The following LIN28B variants were observed in gnomAD, a reference collection of about 807,000 sequenced individuals.
The protein encoded by LIN28B is lin-28 RNA binding posttranscriptional regulator B.
In LIN28B, 5 loss-of-function variants were observed where a neutral mutation model predicts 21.9. That is an observed-to-expected ratio of 0.23 (90% CI 0.12 to 0.48). The LOEUF (loss-of-function observed/expected upper bound fraction) is 0.48, where lower values mean the gene tolerates loss of function less well. Among genes scored for constraint, LIN28B ranks in the 20% least tolerant of loss-of-function variants. The probability of loss-of-function intolerance (pLI) is 0.98; values close to 1 mark genes in which losing one functional copy is unlikely to be tolerated. For missense variants in LIN28B, 245 were observed against 310.5 expected (o/e 0.79, Z 1.58); for synonymous variants, 109 against 111.3 (o/e 0.98, Z 0.13).
intron 2 of LIN28B, among the ~76,000 whole-genome samples, chr6:105,018,101 C>T (rs574178365): frequency 6.6e-6 from 1 of 151,702 alleles, no homozygotes; most frequent in African/African-American, 2.4e-5. Flanking sequence ...GTCTTGGCAA[C>T]ATAGTGAGAC....
At chr6:104,987,994 T>C (rs1017471760) in intron 2 of LIN28B, among the ~76,000 whole-genome samples, 1 of 152,210 alleles carries the variant, frequency 6.6e-6, no homozygotes, top group Admixed American at 6.5e-5. Context: ...TCTGCCTACC[T>C]CGGCTTCCCA....
At chr6:105,061,737 G>A (rs1772124645) in intron 3 of LIN28B, among the ~76,000 whole-genome samples, 1 of 152,116 alleles carries the variant, frequency 6.6e-6, no homozygotes, top group East Asian at 1.9e-4. Flanking sequence ...ACTTATAGAT[G>A]AGGAAACCCA....
chr6:104,972,120 G>A (rs770889208), intron 2 of LIN28B, among the ~76,000 whole-genome samples: 43 of 152,122 alleles, frequency 2.8e-4, no homozygotes, highest in Non-Finnish European at 4.9e-4. Context: ...ACAGGTGCAC[G>A]CCACCACACC....
At position 104,961,921 on chromosome 6, in the gene LIN28B, T is replaced by C. The variant is rs963671704; in HGVS notation, c.198+3635T>C. On this transcript the variant is annotated intron_variant, in intron 2 of 3. Coordinates refer to ENST00000345080, the MANE Select transcript of LIN28B (RefSeq NM_001004317.4). ...TTGATGGTACTTTAGAGGAATAGAA[T>C]GGTAATTAAATATTAGATCTCTTTT... is the stretch of plus-strand genomic sequence containing the variant. Among the ~76,000 whole-genome samples, 5 of 152,336 alleles carry C rather than the reference T, an allele frequency of 3.3e-5. No individual in the cohort carries two copies. In the Middle Eastern group the frequency reaches 0.01, roughly 311 times the overall value.
At chr6:104,937,869 A>G (rs887431769) in intron 2 of LIN28B, among the ~76,000 whole-genome samples, 2 of 151,992 alleles carry the variant, frequency 1.3e-5, no homozygotes, top group Admixed American at 6.6e-5. Flanking sequence ...CATTGGAGAT[A>G]TTAAGAGTAA....
upstream of LIN28B, among the ~76,000 whole-genome samples, chr6:104,952,958 A>G (rs2114556102): frequency 6.6e-6 from 1 of 152,308 alleles, no homozygotes; most frequent in East Asian, 1.9e-4. Context: ...AAAGCGACCC[A>G]ACTATATTCT....
chr6:104,968,499 C>T (rs1319383025), intron 2 of LIN28B, among the ~76,000 whole-genome samples: 8 of 152,082 alleles, frequency 5.3e-5, no homozygotes, highest in Admixed American at 4.6e-4. Context: ...CATAACAGCC[C>T]ACTTTAAAAA....
intron 3 of LIN28B, chr6:104,950,589 C>A: frequency 1.3e-6 from 1 of 762,362 alleles, no homozygotes; most frequent in Non-Finnish European, 1.8e-6. Context: ...CATATGAGAA[C>A]CTGACAGCCC....
chr6:104,991,573 C>T (rs1245447714), intron 2 of LIN28B, among the ~76,000 whole-genome samples: 1 of 151,932 alleles, frequency 6.6e-6, no homozygotes, highest in Non-Finnish European at 1.5e-5. Context: ...AGAAGATGGG[C>T]GGCCGGGCAG....
chr6:104,948,066 T>G (rs1483307255), intron 2 of LIN28B, among the ~76,000 whole-genome samples: 1 of 152,182 alleles, frequency 6.6e-6, no homozygotes, highest in Non-Finnish European at 1.5e-5. Flanking sequence ...GAATGGAGAT[T>G]ATTCTCGTGT....
intron 2 of LIN28B, among the ~76,000 whole-genome samples, chr6:105,018,952 CT>C (rs373688973): frequency 3.3e-4 from 49 of 147,264 alleles, no homozygotes; most frequent in African/African-American, 6.7e-4. Context: ...CTTTTCTTTT[CT>C]TTTTTTTTTG....
chr6:105,062,934 G>C (rs531008204), intron 3 of LIN28B, among the ~76,000 whole-genome samples: 11 of 151,850 alleles, frequency 7.2e-5, no homozygotes, highest in Admixed American at 7.2e-4. Context: ...CCACTTATGA[G>C]CCATATTTCT....
chr6:104,950,669 C>T (rs1200738357), intron 3 of LIN28B, among the ~76,000 whole-genome samples: 1 of 152,088 alleles, frequency 6.6e-6, no homozygotes, highest in Non-Finnish European at 1.5e-5. Context: ...GTCCTGATCA[C>T]TCCATCTAAA....
intron 2 of LIN28B, among the ~76,000 whole-genome samples, chr6:104,986,735 C>T (rs943630447): frequency 6.6e-5 from 10 of 152,136 alleles, no homozygotes; most frequent in Admixed American, 2.0e-4. Flanking sequence ...CAAAACATTG[C>T]TCCAAGAATG....
At position 104,969,460 on chromosome 6, in the gene LIN28B, A is replaced by C. The variant is rs189062104; in HGVS notation, c.198+11174A>C. Among the ~76,000 whole-genome samples the C allele has an allele frequency of 2.7e-3, 409 of 152,232 alleles. 1 individual carries two copies. Among genetic ancestry groups the C allele is most frequent in the South Asian group, 0.013 (63 of 4,816 alleles). ...CAAAACAAAACAACAACAACAACAA[A>C]AAAAAGCCCCACAAACAACTCTTTA... On this transcript the variant is annotated intron_variant, in intron 2 of 3. Transcript: ENST00000345080.
At chr6:104,980,405 G>A (rs1023151413) in intron 2 of LIN28B, among the ~76,000 whole-genome samples, 1 of 152,270 alleles carries the variant, frequency 6.6e-6, no homozygotes, top group Non-Finnish European at 1.5e-5. Flanking sequence ...GTGTTAAAAC[G>A]TAGGTGTTAA....
At chr6:105,047,574 T>A (rs1309957496) in intron 3 of LIN28B, among the ~76,000 whole-genome samples, 1 of 152,176 alleles carries the variant, frequency 6.6e-6, no homozygotes, top group Non-Finnish European at 1.5e-5. Context: ...CGTAGCTTGA[T>A]GGGGATGGCA....
At chr6:105,022,186 A>G (rs1184393836) in intron 2 of LIN28B, among the ~76,000 whole-genome samples, 1 of 152,152 alleles carries the variant, frequency 6.6e-6, no homozygotes, top group East Asian at 1.9e-4. Context: ...GATGTAGAGT[A>G]ATGAGCAGTT....
At chr6:104,951,998 C>T (rs965870616) in intron 3 of LIN28B, among the ~76,000 whole-genome samples, 8 of 152,176 alleles carry the variant, frequency 5.3e-5, no homozygotes, top group African/African-American at 1.9e-4. Flanking sequence ...ATCTTTTACC[C>T]TGCCACTCTT....
Sources: allele counts gnomAD v4.1 joint callset (sites outside exome capture counted in the v4.1 genomes callset), GRCh38; gene constraint gnomAD v4.1.1; transcripts MANE v1.5; gene names NCBI Gene and HGNC (gene_info 2026-07-23, HGNC 2026-07-21).